RCAN2: variants seen among roughly 807,000 people sequenced by gnomAD.
RCAN2 encodes the protein regulator of calcineurin 2, also known as calcipressin-2.
Under a neutral mutation model 23.6 loss-of-function variants are expected in RCAN2, and 9 were observed. That is an observed-to-expected ratio of 0.38 (90% CI 0.23 to 0.67). RCAN2 has a LOEUF of 0.67. Ranked by LOEUF, RCAN2 falls within the 30% of genes least tolerant of loss-of-function variation. The probability of loss-of-function intolerance (pLI) is 0.51; values close to 1 mark genes in which losing one functional copy is unlikely to be tolerated. For missense variants in RCAN2, 273 were observed against 302.3 expected (o/e 0.90, Z 0.72); for synonymous variants, 109 against 115.7 (o/e 0.94, Z 0.37).
intron 2 of RCAN2, among the ~76,000 whole-genome samples, chr6:46,455,526 T>C (rs916391918): frequency 6.6e-6 from 1 of 151,770 alleles, no homozygotes; most frequent in African/African-American, 2.4e-5. Context: ...AGCCTACTCT[T>C]ATACCTCACA....
intron 2 of RCAN2, among the ~76,000 whole-genome samples, chr6:46,390,833 CT>C (rs1765912106): frequency 6.6e-6 from 1 of 152,142 alleles, no homozygotes; most frequent in Non-Finnish European, 1.5e-5. Flanking sequence ...TTCTGTCTGC[CT>C]CCTGATACAC....
intron 2 of RCAN2, among the ~76,000 whole-genome samples, chr6:46,301,177 G>A (rs1378761473): frequency 6.6e-6 from 1 of 152,036 alleles, no homozygotes; most frequent in Non-Finnish European, 1.5e-5. Context: ...TAACACCATT[G>A]AATTTAAGAG....
chr6:46,334,191 G>A (rs1183173381), intron 2 of RCAN2, among the ~76,000 whole-genome samples: 1 of 152,100 alleles, frequency 6.6e-6, no homozygotes, highest in Non-Finnish European at 1.5e-5. Flanking sequence ...TCCTTAGCCT[G>A]CATTATTTTT....
intron 2 of RCAN2, among the ~76,000 whole-genome samples, chr6:46,410,361 C>G (rs1163420645): frequency 6.6e-6 from 1 of 152,206 alleles, no homozygotes; most frequent in African/African-American, 2.4e-5. Flanking sequence ...ACCTTTCCTA[C>G]TGGTTCCGAC....
intron 2 of RCAN2, among the ~76,000 whole-genome samples, chr6:46,380,099 C>T (rs1765579251): frequency 6.6e-6 from 1 of 152,020 alleles, no homozygotes; most frequent in African/African-American, 2.4e-5. Context: ...ATTTGCAGCC[C>T]CTTATCTGAA....
chr6:46,301,774 G>A (rs1582082799), intron 2 of RCAN2, among the ~76,000 whole-genome samples: 1 of 152,016 alleles, frequency 6.6e-6, no homozygotes, highest in East Asian at 1.9e-4. Flanking sequence ...GAAAATTAAA[G>A]GCAGATAATT....
intron 2 of RCAN2, among the ~76,000 whole-genome samples, chr6:46,417,466 T>C (rs1766745183): frequency 1.3e-5 from 2 of 152,158 alleles, no homozygotes; most frequent in African/African-American, 4.8e-5. Context: ...TGAACTCAGA[T>C]TAAAATTTAG....
intron 2 of RCAN2, among the ~76,000 whole-genome samples, chr6:46,456,073 T>G (rs1481283466): frequency 1.3e-5 from 2 of 152,190 alleles, no homozygotes; most frequent in East Asian, 3.9e-4. Flanking sequence ...GAATATTTAC[T>G]GTGATTGCCA....
intron 2 of RCAN2, among the ~76,000 whole-genome samples, chr6:46,276,681 C>T (rs981220081): frequency 2.0e-5 from 3 of 152,192 alleles, no homozygotes; most frequent in Admixed American, 1.3e-4. Flanking sequence ...GTCCCATAAG[C>T]TCGTACATAA....
At chr6:46,435,958 A>G (rs1290751645) in intron 2 of RCAN2, among the ~76,000 whole-genome samples, 2 of 152,238 alleles carry the variant, frequency 1.3e-5, no homozygotes, top group Non-Finnish European at 2.9e-5. Flanking sequence ...CTGTCAATTT[A>G]TTGGTACAGT....
Position 46,266,240 on chromosome 6 carries a change from C to T in RCAN2, c.226-17344G>A, listed in dbSNP as rs535357181. ...GAATAAACTGATTTATACAATTGTG[C>T]TACTGAGAATTACCAGTACTGTTCT... On this transcript the variant is annotated intron_variant, in intron 2 of 4. Coordinates refer to ENST00000371374, the MANE Select transcript of RCAN2 (RefSeq NM_001251974.2). Among the ~76,000 whole-genome samples the T allele has an allele frequency of 7.2e-5, 11 of 152,304 alleles. No individual in the cohort carries two copies. In the South Asian group the frequency reaches 2.1e-3, roughly 29 times the overall value.
chr6:46,375,370 T>G (rs1252375047), intron 2 of RCAN2, among the ~76,000 whole-genome samples: 1 of 152,188 alleles, frequency 6.6e-6, no homozygotes, highest in African/African-American at 2.4e-5. Context: ...CCTCTTCAAA[T>G]CCTACCCTCT....
chr6:46,451,402 G>C (rs1767879656), intron 2 of RCAN2, among the ~76,000 whole-genome samples: 1 of 152,124 alleles, frequency 6.6e-6, no homozygotes, highest in East Asian at 1.9e-4. Context: ...ACTACAAGTA[G>C]CCTCTTATCA....
intron 2 of RCAN2, among the ~76,000 whole-genome samples, chr6:46,380,835 T>A (rs1765600791): frequency 6.6e-6 from 1 of 152,232 alleles, no homozygotes; most frequent in Admixed American, 6.5e-5. Flanking sequence ...GATTGATAGA[T>A]AACTATAATG....
chr6:46,361,436 G>A (rs1392166589), intron 2 of RCAN2, among the ~76,000 whole-genome samples: 1 of 151,852 alleles, frequency 6.6e-6, no homozygotes, highest in Admixed American at 6.5e-5. Flanking sequence ...TTTTCAGAAA[G>A]AAAAAAAGAA....
chr6:46,316,132 T>C (rs1724694132), intron 2 of RCAN2, among the ~76,000 whole-genome samples: 3 of 152,050 alleles, frequency 2.0e-5, no homozygotes, highest in Admixed American at 1.3e-4. Flanking sequence ...GGGGAAGAGT[T>C]TGATATAATG....
intron 1 of RCAN2, among the ~76,000 whole-genome samples, chr6:46,475,711 C>T (rs1432694583): frequency 6.6e-6 from 1 of 152,168 alleles, no homozygotes; most frequent in African/African-American, 2.4e-5. Flanking sequence ...CTTCCACCCT[C>T]ATGGAGCACA....
At chr6:46,262,613 T>TAAATAAATAAATAAATAAATAAATAAAG (rs1219001365) in intron 2 of RCAN2, among the ~76,000 whole-genome samples, 1 of 151,820 alleles carries the variant, frequency 6.6e-6, no homozygotes, top group African/African-American at 2.4e-5. Flanking sequence ...AATAAATAAA[T>TAAATAAATAAATAAATAAATAAATAAAG]AAAGCAAAAG....
intron 2 of RCAN2, among the ~76,000 whole-genome samples, chr6:46,448,579 A>T (rs1025189781): frequency 3.3e-5 from 5 of 151,952 alleles, no homozygotes; most frequent in Non-Finnish European, 4.4e-5. Flanking sequence ...AAAATCATCC[A>T]CAAAATACCT....
Sources: allele counts gnomAD v4.1 joint callset (sites outside exome capture counted in the v4.1 genomes callset), GRCh38; gene constraint gnomAD v4.1.1; transcripts MANE v1.5; gene names NCBI Gene and HGNC (gene_info 2026-07-23, HGNC 2026-07-21).